Variants in CHST15 observed in about 807,000 individuals in gnomAD.
CHST15 encodes B cell RAG associated protein (GALNAC4S-6ST).
Under a neutral mutation model 53.6 loss-of-function variants are expected in CHST15, and 30 were observed. That is an observed-to-expected ratio of 0.56 (90% CI 0.42 to 0.76). The LOEUF (loss-of-function observed/expected upper bound fraction) is 0.76, where lower values mean the gene tolerates loss of function less well. Among genes scored for constraint, CHST15 ranks in the 30% least tolerant of loss-of-function variants. The probability of loss-of-function intolerance (pLI) is 0.00; values close to 1 mark genes in which losing one functional copy is unlikely to be tolerated. For missense variants in CHST15, 627 were observed against 740.5 expected (o/e 0.85, Z 1.78); for synonymous variants, 296 against 289.8 (o/e 1.02, Z -0.22).
rs1307591341 is a variant in CHST15 at position 124,024,451 on chromosome 10, C to T, written c.1191-3039G>A. Among the ~76,000 whole-genome samples the T allele has an allele frequency of 1.3e-5, 2 of 152,128 alleles. No individual in the cohort carries two copies. The highest frequency in any genetic ancestry group is 2.9e-5 in the Non-Finnish European group (2 of 68,022). On this transcript the variant is annotated intron_variant, in intron 5 of 7. Transcript: ENST00000435907. This position sits in a 1 kb window ranked among gnomAD's most constrained non-coding sequence, Gnocchi z 4.0. The stretch of plus-strand genomic sequence containing the variant: ...GATCTACCCACAGAGTTCCTAGAAT[C>T]AAAACACCCACCGGAACAGGAGTGT...
At chr10:124,020,895 C>A in intron 6 of CHST15, 1 of 1,283,814 alleles carries the variant, frequency 7.8e-7, no homozygotes, top group South Asian at 2.9e-5. Context: ...CAAAACAATC[C>A]ACCGCTCAAG....
chr10:124,035,448 G>T (rs1393912017), intron 5 of CHST15, among the ~76,000 whole-genome samples: 1 of 149,748 alleles, frequency 6.7e-6, no homozygotes, highest in Non-Finnish European at 1.5e-5. Context: ...CCCCTAACAG[G>T]GACCCTGGTT....
intron 7 of CHST15, chr10:124,010,695 C>T (rs761040552): frequency 5.1e-5 from 50 of 985,308 alleles, no homozygotes; most frequent in Non-Finnish European, 5.9e-5. Flanking sequence ...GAGGAACGTG[C>T]GGCCTGCCGA....
chr10:124,020,952 C>G lies in CHST15; in HGVS notation c.1347+304G>C, dbSNP rs533884018. 5.8e-6 allele frequency: 8 copies of G among 1,391,068 alleles called. No individual in the cohort carries two copies. The African/African-American group carries it at 5.8e-5, about 10-fold the overall frequency. The allele number at this position is 1,391,068 out of a possible 1,614,324, so 86.2% of individuals were successfully genotyped here. ...GAGAGTTGGGTGTCCTCATGTCTGC[C>G]GATTCTAATTGCTGGGTGTCTTGCT... On this transcript the variant is annotated intron_variant, in intron 6 of 7. Coordinates refer to ENST00000435907, the MANE Select transcript of CHST15 (RefSeq NM_001270764.2).
Position 124,010,079 on chromosome 10 carries a change from C to G in CHST15, c.*70G>C. ...ATACCATGAGTGAAACAGTTCCCCG[C>G]AAAGAGATTTGTAAAATCCTGATGA... On this transcript the variant is annotated 3_prime_UTR_variant, in exon 8 of 8. Coordinates refer to ENST00000435907, the MANE Select transcript of CHST15 (RefSeq NM_001270764.2). The G allele has an allele frequency of 7.5e-6, 12 of 1,609,386 alleles. No homozygotes were observed. In the South Asian group the frequency reaches 1.2e-4, roughly 16 times the overall value.
intron 1 of CHST15, among the ~76,000 whole-genome samples, chr10:124,081,068 A>G (rs1172045031): frequency 6.6e-6 from 1 of 152,208 alleles, no homozygotes. Context: ...CCCAAGAGAA[A>G]AACAGATCTA....
chr10:124,034,295 C>T (rs541730846), intron 5 of CHST15, among the ~76,000 whole-genome samples: 31 of 152,258 alleles, frequency 2.0e-4, no homozygotes, highest in African/African-American at 6.7e-4. Context: ...GAAGAAAACA[C>T]GGTGACTACT....
chr10:124,088,870 C>T (rs1949521881), intron 1 of CHST15, among the ~76,000 whole-genome samples: 2 of 150,696 alleles, frequency 1.3e-5, no homozygotes, highest in Non-Finnish European at 3.0e-5. Flanking sequence ...TAACTAGACA[C>T]CTAGACTGGA....
At chr10:124,043,940 G>GGGGAACAGCACAGAGCA (rs1349146725) in intron 3 of CHST15, among the ~76,000 whole-genome samples, 1 of 144,728 alleles carries the variant, frequency 6.9e-6, no homozygotes, top group Non-Finnish European at 1.5e-5. Flanking sequence ...GCACAGAGCA[G>GGGGAACAGCACAGAGCA]GGGAACAGCA....
At position 124,008,184 on chromosome 10, in the gene CHST15, T is replaced by C; in HGVS notation, c.*1965A>G. 8.1e-7 allele frequency: 1 copy of C among 1,229,870 alleles called. No homozygotes were observed. Among genetic ancestry groups the C allele is most frequent in the East Asian group, 3.2e-5 (1 of 31,628 alleles). The allele number at this position is 1,229,870 out of a possible 1,614,324, so 76.2% of individuals were successfully genotyped here. On this transcript the variant is annotated 3_prime_UTR_variant, in exon 8 of 8. Transcript: ENST00000435907. ...AGGAGTGCATAAGAAAAATCCCTTG[T>C]TGTAATTATGGTTGGTGTGGAATAG...
chr10:124,042,895 T>C (rs764335207), intron 3 of CHST15, among the ~76,000 whole-genome samples: 2 of 152,174 alleles, frequency 1.3e-5, no homozygotes, highest in Non-Finnish European at 2.9e-5. Context: ...CAGTATCCTA[T>C]AAACTCCATG....
At chr10:124,015,304 C>T (rs1946552584) in intron 6 of CHST15, among the ~76,000 whole-genome samples, 1 of 150,452 alleles carries the variant, frequency 6.6e-6, no homozygotes, top group Non-Finnish European at 1.5e-5. Flanking sequence ...GTCCAATGTG[C>T]TTAAAATTAG....
intron 1 of CHST15, among the ~76,000 whole-genome samples, chr10:124,048,772 T>G (rs1222025532): frequency 1.3e-5 from 2 of 152,182 alleles, no homozygotes; most frequent in Non-Finnish European, 2.9e-5. Flanking sequence ...TCGAATTAGA[T>G]TCTTTAAAAA....
At chr10:124,021,002 C>T in intron 6 of CHST15, 1 of 1,420,968 alleles carries the variant, frequency 7.0e-7, no homozygotes, top group East Asian at 2.5e-5. Context: ...CTAAAGGCAC[C>T]CTCATCCTCC....
At chr10:124,016,179 G>A (rs1253136135) in intron 6 of CHST15, among the ~76,000 whole-genome samples, 1 of 152,172 alleles carries the variant, frequency 6.6e-6, no homozygotes, top group African/African-American at 2.4e-5. Context: ...CAGTGGCGGG[G>A]GCTGGCCAGA....
At chr10:124,037,269 C>T (rs1044060458) in intron 5 of CHST15, among the ~76,000 whole-genome samples, 1 of 152,118 alleles carries the variant, frequency 6.6e-6, no homozygotes, top group African/African-American at 2.4e-5. Context: ...TTGGGGGGCA[C>T]AATTCAATCC....
intron 1 of CHST15, among the ~76,000 whole-genome samples, chr10:124,048,301 C>G (rs114057796): frequency 2.4e-3 from 363 of 152,308 alleles, no homozygotes; most frequent in African/African-American, 8.4e-3. Flanking sequence ...GAATATAATA[C>G]ACAAAGTTGG....
intron 5 of CHST15, among the ~76,000 whole-genome samples, chr10:124,032,742 T>C (rs1947271218): frequency 6.6e-6 from 1 of 152,032 alleles, no homozygotes; most frequent in Non-Finnish European, 1.5e-5. Context: ...ACATGAATTC[T>C]TGGCTGGCTT....
chr10:124,035,465 C>G (rs1053795072), intron 5 of CHST15, among the ~76,000 whole-genome samples: 2 of 150,866 alleles, frequency 1.3e-5, no homozygotes, highest in African/African-American at 4.9e-5. Context: ...GGTTCCACCC[C>G]CTAACAGGGA....
Sources: allele counts gnomAD v4.1 joint callset (sites outside exome capture counted in the v4.1 genomes callset), GRCh38; gene constraint gnomAD v4.1.1; non-coding constraint Gnocchi (gnomAD v3.1); transcripts MANE v1.5; gene names NCBI Gene and HGNC (gene_info 2026-07-23, HGNC 2026-07-21).